USP6NL: variants seen among roughly 807,000 people sequenced by gnomAD.
The protein encoded by USP6NL is USP6 N-terminal like, also known as USP6 N-terminal-like protein.
In USP6NL, 26 loss-of-function variants were observed where a neutral mutation model predicts 61.9. The ratio of observed to expected loss-of-function variants is 0.42; its 90% confidence interval spans 0.31 to 0.58. The LOEUF is 0.58. USP6NL is among the 20% of genes least tolerant of loss of function. The pLI, the probability that USP6NL is intolerant of heterozygous loss-of-function variation, is 0.16. For synonymous variants in USP6NL, 432 were observed against 390.1 expected (o/e 1.11, Z -1.27); for missense variants, 1,114 against 1,034.3 (o/e 1.08, Z -1.06).
At chr10:11,593,033 C>T (rs1031494543) in intron 2 of USP6NL, among the ~76,000 whole-genome samples, 4 of 152,092 alleles carry the variant, frequency 2.6e-5, no homozygotes, top group African/African-American at 9.7e-5. Context: ...CATTTCATAT[C>T]GAAAAATGAC....
chr10:11,521,100 G>T (rs1014848855), intron 4 of USP6NL, among the ~76,000 whole-genome samples: 1 of 152,050 alleles, frequency 6.6e-6, no homozygotes, highest in African/African-American at 2.4e-5. Flanking sequence ...CCTCTCAACA[G>T]CTAGGTGGAG....
intron 14 of USP6NL, among the ~76,000 whole-genome samples, chr10:11,469,156 T>C (rs17150391): frequency 0.017 from 2,604 of 152,322 alleles, 76 homozygotes; most frequent in African/African-American, 0.059. Flanking sequence ...AAAAACAATC[T>C]GTGGCTGTTC....
At position 11,485,060 on chromosome 10, in the gene USP6NL, G is replaced by T; in HGVS notation, c.836C>A (p.Thr279Lys). Residue 279 changes from threonine (T) to lysine (K), a missense_variant, in exon 13 of 15, where the codon ACA becomes AAA. Thr to Lys is a moderately conservative substitution (Grantham distance 78). Coordinates refer to ENST00000609104, the MANE Select transcript of USP6NL (RefSeq NM_014688.5). The surrounding 1 kb of genome is among the most constrained non-coding windows in gnomAD (Gnocchi z 4.8). ...GATATCCCATATTCTGAGGTTTAGT[G>T]TAAAGGGAGTCTACAATTAAAAGCA... ...FQCFLDRTPFTLNLRIWDIYI... is the reference protein window; with the variant it reads ...FQCFLDRTPFKLNLRIWDIYI... The T allele has an allele frequency of 6.5e-7, 1 of 1,546,138 alleles. No individual in the cohort carries two copies. Among genetic ancestry groups the T allele is most frequent in the Non-Finnish European group, 8.7e-7 (1 of 1,145,714 alleles).
In USP6NL at chr10:11,520,212, G is replaced by A. The variant is rs1835149688; in HGVS notation, c.156-1638C>T. ...TATGAAGAAAAGGGACGGAGGCTGA[G>A]AAAACGATTCTCAAGAAGAAACGAA... On this transcript the variant is annotated intron_variant, in intron 4 of 14. Transcript: ENST00000609104. The surrounding 1 kb of genome is among the most constrained non-coding windows in gnomAD (Gnocchi z 5.2). Among the ~76,000 whole-genome samples the A allele has an allele frequency of 6.6e-6, 1 of 152,172 alleles. No homozygotes were observed. The highest frequency in any genetic ancestry group is 1.5e-5 in the Non-Finnish European group (1 of 68,032).
chr10:11,588,266 G>GAGCAAAATGCTGTAA (rs1423561813), intron 2 of USP6NL, among the ~76,000 whole-genome samples: 1 of 152,214 alleles, frequency 6.6e-6, no homozygotes, highest in African/African-American at 2.4e-5. Context: ...TGTACTGGAG[G>GAGCAAAATGCTGTAA]AGCAAAATGC....
chr10:11,530,687 A>G (rs1009197160), intron 2 of USP6NL, among the ~76,000 whole-genome samples: 1 of 152,270 alleles, frequency 6.6e-6, no homozygotes, highest in Admixed American at 6.5e-5. Flanking sequence ...AATGCATTTT[A>G]GAAAATATAG....
intron 2 of USP6NL, among the ~76,000 whole-genome samples, chr10:11,542,256 A>G (rs1199354367): frequency 2.0e-5 from 3 of 152,372 alleles, no homozygotes; most frequent in South Asian, 4.1e-4. Context: ...ACAGTTCCTC[A>G]AAAAGATCAC....
At chr10:11,604,940 T>C (rs915412026) in intron 1 of USP6NL, among the ~76,000 whole-genome samples, 24 of 152,116 alleles carry the variant, frequency 1.6e-4, no homozygotes, top group Middle Eastern at 6.3e-3. Context: ...CCAAGGAAAG[T>C]GAAACTGCAG....
intron 2 of USP6NL, among the ~76,000 whole-genome samples, chr10:11,554,007 A>T (rs1836590878): frequency 6.6e-6 from 1 of 152,110 alleles, no homozygotes; most frequent in Middle Eastern, 3.2e-3. Flanking sequence ...GTCTACAAAG[A>T]TCCAGGCTCC....
In USP6NL at chr10:11,468,493, C is replaced by T. The variant is rs906525848; in HGVS notation, c.1079-4644G>A. On this transcript the variant is annotated intron_variant, in intron 14 of 14. Coordinates refer to ENST00000609104, the MANE Select transcript of USP6NL (RefSeq NM_014688.5). The surrounding 1 kb of genome is among the most constrained non-coding windows in gnomAD (Gnocchi z 4.5). Reference sequence around the variant, plus strand: ...CCCTCACTCAGAGGAGTGGTCCTGTCCTTCCCCTAGTTCTCATTCAAATAC... The same window carrying T: ...CCCTCACTCAGAGGAGTGGTCCTGTTCTTCCCCTAGTTCTCATTCAAATAC... Among the ~76,000 whole-genome samples, 2 of 152,214 alleles carry T rather than the reference C, an allele frequency of 1.3e-5. No individual in the cohort carries two copies. Among genetic ancestry groups the T allele is most frequent in the Non-Finnish European group, 2.9e-5 (2 of 68,036 alleles).
At position 11,537,900 on chromosome 10, in the gene USP6NL, T is replaced by C. The variant is rs975756136; in HGVS notation, c.5-10333A>G. ...TTCAAGGAGTCCCCTTGATTCTCCA[T>C]GGCTTGCCCCTGATTCTGCAAATAA... On this transcript the variant is annotated intron_variant, in intron 2 of 14. Coordinates refer to ENST00000609104, the MANE Select transcript of USP6NL (RefSeq NM_014688.5). This position sits in a 1 kb window ranked among gnomAD's most constrained non-coding sequence, Gnocchi z 5.1. Among the ~76,000 whole-genome samples the C allele has an allele frequency of 6.6e-6, 1 of 152,210 alleles. No homozygotes were observed. Among genetic ancestry groups the C allele is most frequent in the Non-Finnish European group, 1.5e-5 (1 of 68,032 alleles).
At position 11,528,134 on chromosome 10, in the gene USP6NL, C is replaced by CACACAA. The variant is rs1835495946; in HGVS notation, c.5-568_5-567insTTGTGT. Among the ~76,000 whole-genome samples, 1 of 150,424 alleles carries CACACAA rather than the reference C, an allele frequency of 6.6e-6. No homozygotes were observed. The highest frequency in any genetic ancestry group is 1.5e-5 in the Non-Finnish European group (1 of 67,792). The stretch of plus-strand genomic sequence containing the variant: ...GTGTGTGGACACACACACAGACACA[C>CACACAA]ACACACACACACACACACACACACA... On this transcript the variant is annotated intron_variant, in intron 2 of 14. Coordinates refer to ENST00000609104, the MANE Select transcript of USP6NL (RefSeq NM_014688.5). This position sits in a 1 kb window ranked among gnomAD's most constrained non-coding sequence, Gnocchi z 4.6.
intron 7 of USP6NL, among the ~76,000 whole-genome samples, chr10:11,498,269 TA>T (rs1834032676): frequency 7.1e-6 from 1 of 140,764 alleles, no homozygotes; most frequent in Non-Finnish European, 1.5e-5. Flanking sequence ...AAATTAGGAT[TA>T]TCATTGTGAG....
chr10:11,593,250 G>A (rs1389576759), intron 2 of USP6NL, among the ~76,000 whole-genome samples: 1 of 152,044 alleles, frequency 6.6e-6, no homozygotes, highest in Middle Eastern at 3.2e-3. Flanking sequence ...GCTAGTAAGT[G>A]TTTTTTTGTT....
Position 11,489,533 on chromosome 10 carries a change from T to C in USP6NL, c.544-311A>G, listed in dbSNP as rs145853476. On this transcript the variant is annotated intron_variant, in intron 9 of 14. Coordinates refer to ENST00000609104, the MANE Select transcript of USP6NL (RefSeq NM_014688.5). The surrounding 1 kb of genome is among the most constrained non-coding windows in gnomAD (Gnocchi z 5.7). The stretch of plus-strand genomic sequence containing the variant: ...ACTTTATGTATGATTCTTAGCTCAC[T>C]ATTCCTCTTCTTTGCTCAGTTGCTG... 2.0e-5 allele frequency among the ~76,000 whole-genome samples: 3 copies of C among 152,360 alleles called. No individual in the cohort carries two copies. In the East Asian group the frequency reaches 5.8e-4, roughly 29 times the overall value.
At chr10:11,529,952 T>C (rs1291499153) in intron 2 of USP6NL, among the ~76,000 whole-genome samples, 1 of 151,896 alleles carries the variant, frequency 6.6e-6, no homozygotes, top group African/African-American at 2.4e-5. Flanking sequence ...AATACAAAAA[T>C]TAGCTGGGCA....
At position 11,587,479 on chromosome 10, in the gene USP6NL, T is replaced by C. The variant is rs1325552426; in HGVS notation, c.4+10152A>G. ...CCTGACATTTCATATTAAAATCTAATATGACCCATAAATCTCTACAGCCTA... is the reference window on the plus strand; with the variant it reads ...CCTGACATTTCATATTAAAATCTAACATGACCCATAAATCTCTACAGCCTA... On this transcript the variant is annotated intron_variant, in intron 2 of 14. Coordinates refer to ENST00000609104, the MANE Select transcript of USP6NL (RefSeq NM_014688.5). The surrounding 1 kb of genome is among the most constrained non-coding windows in gnomAD (Gnocchi z 4.5). 6.6e-6 allele frequency among the ~76,000 whole-genome samples: 1 copy of C among 152,188 alleles called. No homozygotes were observed. Among genetic ancestry groups the C allele is most frequent in the Non-Finnish European group, 1.5e-5 (1 of 68,032 alleles).
At chr10:11,483,777 G>A (rs1833343321) in intron 13 of USP6NL, among the ~76,000 whole-genome samples, 1 of 151,936 alleles carries the variant, frequency 6.6e-6, no homozygotes, top group South Asian at 2.1e-4. Flanking sequence ...CTTGAATCCT[G>A]GAAGACACAT....
rs1015838646 is a variant in USP6NL, at chr10:11,611,142, G to C, written c.-84+301C>G. Among the ~76,000 whole-genome samples the C allele has an allele frequency of 2.0e-4, 31 of 152,140 alleles. 1 individual carries two copies. In the East Asian group the frequency reaches 5.6e-3, roughly 28 times the overall value. ...GCCTGGCCGGGATCGCGGCTCACTC[G>C]GGGAGGCAGTCGCCGGGTTCCACCC... On this transcript the variant is annotated intron_variant, in intron 1 of 14. Transcript: ENST00000609104. The surrounding 1 kb of genome is among the most constrained non-coding windows in gnomAD (Gnocchi z 5.3).
Sources: allele counts gnomAD v4.1 joint callset (sites outside exome capture counted in the v4.1 genomes callset), GRCh38; gene constraint gnomAD v4.1.1; non-coding constraint Gnocchi (gnomAD v3.1); transcripts MANE v1.5; gene names NCBI Gene and HGNC (gene_info 2026-07-23, HGNC 2026-07-21).